CMPK2: variants seen among roughly 807,000 people sequenced by gnomAD.
The protein encoded by CMPK2 is cytidine/uridine monophosphate kinase 2.
In CMPK2, 32 loss-of-function variants were observed where a neutral mutation model predicts 33.4. The observed-to-expected ratio is 0.96, with a 90% CI of 0.72 to 1.29. CMPK2 has a LOEUF of 1.29. Among genes scored for constraint, CMPK2 ranks in the 50% most tolerant of loss-of-function variants. The pLI, the probability that CMPK2 is intolerant of heterozygous loss-of-function variation, is 0.00. For synonymous variants in CMPK2, 299 were observed against 275.3 expected (o/e 1.09, Z -0.85); for missense variants, 672 against 616.0 (o/e 1.09, Z -0.96).
rs554887174 is a variant in CMPK2, at chr2:6,849,181, T to A, written c.*669A>T. 18 of 985,430 alleles carry A rather than the reference T, an allele frequency of 1.8e-5. No individual in the cohort carries two copies. In the South Asian group the frequency reaches 6.1e-4, roughly 33 times the overall value. The allele number at this position is 985,430 out of a possible 1,614,324, so 61.0% of individuals were successfully genotyped here. ...GGTTGGTATATTTGCAGTTGGAGCATCTTGGCTTGAATGTCTTTATATATG... is the reference window on the plus strand; with the variant it reads ...GGTTGGTATATTTGCAGTTGGAGCAACTTGGCTTGAATGTCTTTATATATG... On this transcript the variant is annotated 3_prime_UTR_variant, in exon 5 of 5. Transcript: ENST00000256722.
intron 3 of CMPK2, 26 bp downstream of exon 3, chr2:6,861,158 C>A (rs149597523): frequency 1.6e-5 from 26 of 1,580,830 alleles, no homozygotes; most frequent in Non-Finnish European, 2.0e-5. Context: ...GAGAAAATGC[C>A]TAATTCAAGG....
At position 6,849,265 on chromosome 2, in the gene CMPK2, T is replaced by G. The variant is rs1662440884; in HGVS notation, c.*585A>C. Reference sequence around the variant, plus strand: ...AGACACAAGATCAATGCCTTCTTTGTAAGTGTTCCTTACCCAAAAATGGCT... The same window carrying G: ...AGACACAAGATCAATGCCTTCTTTGGAAGTGTTCCTTACCCAAAAATGGCT... On this transcript the variant is annotated 3_prime_UTR_variant, in exon 5 of 5. Coordinates refer to ENST00000256722, the MANE Select transcript of CMPK2 (RefSeq NM_207315.4). The G allele has an allele frequency of 1.7e-5, 17 of 985,464 alleles. No homozygotes were observed. In the South Asian group the frequency reaches 7.5e-4, roughly 44 times the overall value. 61.0% of individuals were successfully genotyped at this position (985,464 alleles called of 1,614,324 possible). A position where few individuals can be genotyped will look rare whatever the true frequency, so the allele number is the denominator to read the frequency against.
At chr2:6,850,068 CA>C (rs1313829610) in intron 4 of CMPK2, 95 bp from the exon 5 acceptor site, 1 of 911,546 alleles carries the variant, frequency 1.1e-6, no homozygotes, top group Non-Finnish European at 1.7e-6. Context: ...TAGCTTGAAG[CA>C]AGCTTCCCAT....
chr2:6,861,306 C>T lies in CMPK2; in HGVS notation c.870G>A (p.Gln290=), dbSNP rs773221598. The change falls in exon 3 of 5, where the codon CAG becomes CAA. Residue 290 remains glutamine (Q), a synonymous_variant. Transcript: ENST00000256722. ...LLKSPPSCIG[Q]WRKIFDDEPT... is the part of the protein sequence containing the mutation. Reference sequence around the variant, plus strand: ...GTTCATCATCAAAGATCTTCCTCCACTGGCCAATGCAAGAGGGTGGTGACT... The same window carrying T: ...GTTCATCATCAAAGATCTTCCTCCATTGGCCAATGCAAGAGGGTGGTGACT... 11 of 1,614,118 alleles carry T rather than the reference C, an allele frequency of 6.8e-6. No homozygotes were observed. The South Asian group carries it at 7.7e-5, about 11-fold the overall frequency.
chr2:6,850,968 T>C (rs1394071131), intron 4 of CMPK2: 4 of 996,392 alleles, frequency 4.0e-6, no homozygotes, highest in Non-Finnish European at 3.6e-6. Flanking sequence ...TGAATAGTTA[T>C]GTACATTTAG....
intron 3 of CMPK2, among the ~76,000 whole-genome samples, chr2:6,858,477 G>A (rs544248065): frequency 1.3e-5 from 2 of 152,286 alleles, no homozygotes; most frequent in East Asian, 3.9e-4. Flanking sequence ...GTTTGGCTGT[G>A]ATCCCACTCA....
Position 6,851,641 on chromosome 2 carries a change from C to A in CMPK2, c.1035G>T (p.Val345=). The part of the protein sequence containing the change: ...STATYAIATE[V]SGGLQHLPPA... Reference sequence around the variant, plus strand: ...GGGGCAGGTGCTGGAGACCCCCACTCACCTCAGTGGCTATGGCATAGGTGG... The same window carrying A: ...GGGGCAGGTGCTGGAGACCCCCACTAACCTCAGTGGCTATGGCATAGGTGG... The change falls in exon 4 of 5, where the codon GTG becomes GTT. Residue 345 remains valine, a synonymous_variant. Coordinates refer to ENST00000256722, the MANE Select transcript of CMPK2 (RefSeq NM_207315.4). 6.2e-7 allele frequency: 1 copy of A among 1,614,142 alleles called. No individual in the cohort carries two copies. Among genetic ancestry groups the A allele is most frequent in the East Asian group, 2.2e-5 (1 of 44,880 alleles).
At chr2:6,866,558 T>C (rs904230819), upstream of CMPK2, 22 of 791,968 alleles carry the variant, frequency 2.8e-5, no homozygotes, top group Non-Finnish European at 3.4e-5. Context: ...TGCACTAAGG[T>C]GAAGTGTGTC....
Position 6,848,394 on chromosome 2 carries a change from C to A in CMPK2, c.*1456G>T, listed in dbSNP as rs543649120. On this transcript the variant is annotated 3_prime_UTR_variant, in exon 5 of 5. Transcript: ENST00000256722. ...ATTAATTGTTTGTTTTTCTAGGCTG[C>A]CAGTATAAGCTTTTCAAAATGTTTA... 1.3e-5 allele frequency: 13 copies of A among 984,882 alleles called. No homozygotes were observed. In the African/African-American group the frequency reaches 2.3e-4, roughly 17 times the overall value. The allele number at this position is 984,882 out of a possible 1,614,324, so 61.0% of individuals were successfully genotyped here.
intron 3 of CMPK2, among the ~76,000 whole-genome samples, chr2:6,857,840 T>G (rs1662762211): frequency 6.6e-6 from 1 of 151,414 alleles, no homozygotes; most frequent in Non-Finnish European, 1.5e-5. Flanking sequence ...TTTCACCGTG[T>G]TAGCCAGGAT....
At chr2:6,862,589 T>A (rs970662863) in intron 2 of CMPK2, among the ~76,000 whole-genome samples, 1 of 152,180 alleles carries the variant, frequency 6.6e-6, no homozygotes, top group Non-Finnish European at 1.5e-5. Context: ...GTGTTACAAT[T>A]CCCTCTGCAG....
rs1662428565 is a variant in CMPK2, at chr2:6,848,842, G to A, written c.*1008C>T. 1 of 985,784 alleles carries A rather than the reference G, an allele frequency of 1.0e-6. No homozygotes were observed. The highest frequency in any genetic ancestry group is 1.2e-6 in the Non-Finnish European group (1 of 829,898). 61.1% of individuals were successfully genotyped at this position (985,784 alleles called of 1,614,324 possible). The stretch of plus-strand genomic sequence containing the variant: ...TCAAAGCGATTTCATATGTAATCAT[G>A]AGACATTCAAGTGCAAGATAATTTA... On this transcript the variant is annotated 3_prime_UTR_variant, in exon 5 of 5. Coordinates refer to ENST00000256722, the MANE Select transcript of CMPK2 (RefSeq NM_207315.4).
downstream of CMPK2, among the ~76,000 whole-genome samples, chr2:6,845,012 T>G (rs189768757): frequency 3.3e-4 from 51 of 152,314 alleles, no homozygotes; most frequent in African/African-American, 1.1e-3. Context: ...TTTGACTCTC[T>G]GATTTTGGGG....
chr2:6,850,859 C>T, intron 4 of CMPK2: 2 of 989,540 alleles, frequency 2.0e-6, no homozygotes, highest in African/African-American at 3.5e-5. Context: ...AGGCAGGAGG[C>T]CTGGCCAGAC....
In CMPK2 at chr2:6,849,706, T is replaced by C; in HGVS notation, c.*144A>G. ...TCAGAAGAGGGTACGATGGCTGAAGTAAAATTAAGATGCCTGGTCTCCAGT... is the reference window on the plus strand; with the variant it reads ...TCAGAAGAGGGTACGATGGCTGAAGCAAAATTAAGATGCCTGGTCTCCAGT... On this transcript the variant is annotated 3_prime_UTR_variant, in exon 5 of 5. Coordinates refer to ENST00000256722, the MANE Select transcript of CMPK2 (RefSeq NM_207315.4). The C allele has an allele frequency of 2.6e-6, 4 of 1,515,224 alleles. No individual in the cohort carries two copies. The South Asian group carries it at 5.3e-5, about 20-fold the overall frequency. 93.9% of individuals were successfully genotyped at this position (1,515,224 alleles called of 1,614,324 possible).
intron 4 of CMPK2, chr2:6,850,873 C>T (rs1160902011): frequency 2.0e-6 from 2 of 991,632 alleles, no homozygotes; most frequent in Non-Finnish European, 2.4e-6. Context: ...GCCAGACTCT[C>T]TTCTGCAGTC....
chr2:6,841,371 T>A (rs1233956555), intron 3 of CMPK2, among the ~76,000 whole-genome samples: 1 of 152,156 alleles, frequency 6.6e-6, no homozygotes, highest in Admixed American at 6.5e-5. Context: ...TTGCTGGGGA[T>A]GGGGAGATGC....
Position 6,849,047 on chromosome 2 carries a change from T to G in CMPK2, c.*803A>C, listed in dbSNP as rs1042953026. ...AGATTAATATAAATAAATTACTGGA[T>G]TGGCTAAATGAAATGCATCCAGTTC... On this transcript the variant is annotated 3_prime_UTR_variant, in exon 5 of 5. Transcript: ENST00000256722. The G allele has an allele frequency of 2.2e-4, 214 of 983,212 alleles. No homozygotes were observed. The highest frequency in any genetic ancestry group is 2.6e-4 in the Non-Finnish European group (213 of 827,766). 60.9% of individuals were successfully genotyped at this position (983,212 alleles called of 1,614,324 possible). A position where few individuals can be genotyped will look rare whatever the true frequency, so the allele number is the denominator to read the frequency against.
In CMPK2 at chr2:6,863,572, A is replaced by G; in HGVS notation, c.682T>C (p.Ser228Pro). Residue 228 changes from serine (S) to proline (P), a missense_variant, in exon 2 of 5, where the codon TCC becomes CCC. Ser to Pro is a moderately conservative substitution (Grantham distance 74, BLOSUM62 -1). Transcript: ENST00000256722. ...ACTGCCCGGGCTTCAGGAATAAAGG[A>G]GGTACACTGTAAAACAACGTCTATC... ...AARAVLEECT[S>P]FIPEARAVLD... 6.2e-7 allele frequency: 1 copy of G among 1,613,086 alleles called. No homozygotes were observed. The highest frequency in any genetic ancestry group is 8.5e-7 in the Non-Finnish European group (1 of 1,179,254).
Sources: gnomAD v4.1 joint callset for allele counts (sites outside exome capture counted in the v4.1 genomes callset) on GRCh38, gnomAD v4.1.1 for gene constraint, MANE v1.5 for transcripts, NCBI Gene and HGNC (gene_info 2026-07-23, HGNC 2026-07-21) for gene names.